Variants in CSMD3 observed in about 807,000 individuals in gnomAD.
CSMD3 encodes CUB and Sushi multiple domains 3, also known as CUB and sushi domain-containing protein 3.
In CSMD3, 177 loss-of-function variants were observed where a neutral mutation model predicts 435.2. That is an observed-to-expected ratio of 0.41 (90% CI 0.36 to 0.46). The LOEUF (loss-of-function observed/expected upper bound fraction) is 0.46. CSMD3 is among the 20% of genes least tolerant of loss of function. The probability of loss-of-function intolerance (pLI) is 0.34; values close to 1 mark genes in which losing one functional copy is unlikely to be tolerated. For synonymous variants in CSMD3, 1,656 were observed against 1,520.5 expected (o/e 1.09, Z -2.07); for missense variants, 4,265 against 4,504.6 (o/e 0.95, Z 1.52).
rs201662832 is a variant in CSMD3, at chr8:112,636,785, A to G, written c.3715+32T>C. The G allele has an allele frequency of 2.7e-5, 43 of 1,581,760 alleles. No homozygotes were observed. In the African/African-American group the frequency reaches 3.5e-4, roughly 13 times the overall value. ...GCAACTCCATGGACAGTGACTACACATACAAGCAAATGAAAGCAGCTGACC... is the reference window on the plus strand; with the variant it reads ...GCAACTCCATGGACAGTGACTACACGTACAAGCAAATGAAAGCAGCTGACC... On this transcript the variant is annotated intron_variant, in intron 22 of 70. Coordinates refer to ENST00000297405, the MANE Select transcript of CSMD3 (RefSeq NM_198123.2).
intron 24 of CSMD3, among the ~76,000 whole-genome samples, chr8:112,559,470 T>C (rs1405592435): frequency 1.3e-5 from 2 of 151,804 alleles, no homozygotes; most frequent in East Asian, 1.9e-4. Context: ...GCCACTTCTG[T>C]AGAAGATTTT....
At chr8:113,237,522 G>A (rs2093163493) in intron 3 of CSMD3, among the ~76,000 whole-genome samples, 1 of 152,142 alleles carries the variant, frequency 6.6e-6, no homozygotes, top group Non-Finnish European at 1.5e-5. Flanking sequence ...TTTTATAATG[G>A]CGGATGTATT....
chr8:112,342,023 G>A (rs916145170), intron 41 of CSMD3, among the ~76,000 whole-genome samples: 5 of 152,040 alleles, frequency 3.3e-5, no homozygotes, highest in African/African-American at 4.8e-5. Context: ...TAGAGGAAAA[G>A]GCCGCTTTTG....
intron 3 of CSMD3, among the ~76,000 whole-genome samples, chr8:113,223,812 G>T (rs1355263391): frequency 6.8e-6 from 1 of 147,788 alleles, no homozygotes; most frequent in African/African-American, 2.5e-5. Flanking sequence ...TCTGTGTGTT[G>T]TATATAAGGA....
Position 112,492,604 on chromosome 8 carries a change from T to C in CSMD3, c.5163A>G (p.Ser1721=). 4 of 1,613,148 alleles carry C rather than the reference T, an allele frequency of 2.5e-6. No homozygotes were observed. The highest frequency in any genetic ancestry group is 1.7e-4 in the Middle Eastern group (1 of 6,060). ...CAGCATCACAGTAATAGGTGACTGT[T>C]GACCCTAATTTATAATCCATTCCAA... is the stretch of plus-strand genomic sequence containing the variant. The part of the protein sequence containing the change: ...TRLGMDYKLG[S]TVTYYCDAGY... The change falls in exon 31 of 71, where the codon TCA becomes TCG. Residue 1721 remains serine (S), a synonymous_variant. Transcript: ENST00000297405.
At chr8:112,590,494 T>G (rs1831091518) in intron 22 of CSMD3, among the ~76,000 whole-genome samples, 1 of 152,034 alleles carries the variant, frequency 6.6e-6, no homozygotes, top group African/African-American at 2.4e-5. Flanking sequence ...CTGAAAGACC[T>G]GATATGAAAA....
At position 112,930,265 on chromosome 8, in the gene CSMD3, A is replaced by G. The variant is rs960410305; in HGVS notation, c.1509-8514T>C. Among the ~76,000 whole-genome samples the G allele has an allele frequency of 2.0e-5, 3 of 152,112 alleles. No individual in the cohort carries two copies. The East Asian group carries it at 5.8e-4, about 29-fold the overall frequency. On this transcript the variant is annotated intron_variant, in intron 9 of 70. Transcript: ENST00000297405. ...TATCACTCCCTGTGTTCTCATCCCTATACTACTATCAGACAGCAATAAACT... is the reference window on the plus strand; with the variant it reads ...TATCACTCCCTGTGTTCTCATCCCTGTACTACTATCAGACAGCAATAAACT...
At chr8:112,562,820 C>T (rs1375674520) in intron 24 of CSMD3, among the ~76,000 whole-genome samples, 1 of 151,546 alleles carries the variant, frequency 6.6e-6, no homozygotes, top group Non-Finnish European at 1.5e-5. Context: ...TTTATATCAA[C>T]TTTTATATCA....
intron 17 of CSMD3, among the ~76,000 whole-genome samples, chr8:112,663,766 T>C (rs2075448280): frequency 6.6e-6 from 1 of 152,100 alleles, no homozygotes. Flanking sequence ...TGACTCTGGA[T>C]TGTGCAATAA....
intron 10 of CSMD3, among the ~76,000 whole-genome samples, chr8:112,869,146 A>G (rs1310654346): frequency 6.6e-6 from 1 of 152,248 alleles, no homozygotes; most frequent in East Asian, 1.9e-4. Flanking sequence ...GGAAAATGAC[A>G]GAGCAGTGAC....
chr8:112,519,001 A>T (rs1453093), intron 27 of CSMD3, among the ~76,000 whole-genome samples: 42,258 of 151,828 alleles, frequency 0.28, 6,217 homozygotes, highest in African/African-American at 0.37. Flanking sequence ...AGAGCAAGGG[A>T]GAAGTCCGCT....
intron 1 of CSMD3, among the ~76,000 whole-genome samples, chr8:113,364,773 T>C (rs1034608674): frequency 6.6e-6 from 1 of 152,086 alleles, no homozygotes; most frequent in African/African-American, 2.4e-5. Flanking sequence ...ACTCATTCTG[T>C]GCTAAAACTA....
chr8:112,712,802 A>T (rs572455214), intron 13 of CSMD3, among the ~76,000 whole-genome samples: 19 of 152,140 alleles, frequency 1.2e-4, no homozygotes, highest in Non-Finnish European at 2.4e-4. Context: ...AAATAAAAAA[A>T]AAAAAAAAGA....
intron 32 of CSMD3, among the ~76,000 whole-genome samples, chr8:112,458,231 A>AC (rs1311849366): frequency 2.0e-5 from 3 of 151,904 alleles, no homozygotes; most frequent in Non-Finnish European, 4.4e-5. Context: ...ACACACAGAG[A>AC]AACAGAGATA....
At chr8:112,636,571 T>A (rs1170091670) in intron 22 of CSMD3, among the ~76,000 whole-genome samples, 2 of 93,126 alleles carry the variant, frequency 2.1e-5, no homozygotes, top group African/African-American at 9.1e-5. Flanking sequence ...TATCTATCTA[T>A]CTATCTATCT....
At chr8:113,353,315 T>A (rs75767095) in intron 1 of CSMD3, among the ~76,000 whole-genome samples, 215 of 152,166 alleles carry the variant, frequency 1.4e-3, no homozygotes, top group Non-Finnish European at 2.3e-3. Flanking sequence ...CATATTTTTT[T>A]AAAAAATTTT....
intron 13 of CSMD3, among the ~76,000 whole-genome samples, chr8:112,750,772 A>T (rs747251186): frequency 4.6e-5 from 7 of 152,104 alleles, no homozygotes; most frequent in Non-Finnish European, 1.0e-4. Flanking sequence ...TTACAAATAC[A>T]AGTTTATTAA....
chr8:112,798,907 G>C (rs1563971646), intron 13 of CSMD3, among the ~76,000 whole-genome samples: 1 of 151,790 alleles, frequency 6.6e-6, no homozygotes, highest in Non-Finnish European at 1.5e-5. Flanking sequence ...CAAGAAGTAT[G>C]ACGAGGTGAG....
chr8:112,943,102 G>A lies in CSMD3; in HGVS notation c.1508+4688C>T, dbSNP rs558801456. ...ATATGATAATGAGCTTTATTTATAT[G>A]TCTATTTGCTGTCTCATATATCTTC... On this transcript the variant is annotated intron_variant, in intron 9 of 70. Coordinates refer to ENST00000297405, the MANE Select transcript of CSMD3 (RefSeq NM_198123.2). Among the ~76,000 whole-genome samples, 14 of 151,582 alleles carry A rather than the reference G, an allele frequency of 9.2e-5. No homozygotes were observed. The East Asian group carries it at 2.7e-3, about 29-fold the overall frequency.
Sources: gnomAD v4.1 joint callset for allele counts (sites outside exome capture counted in the v4.1 genomes callset) on GRCh38, gnomAD v4.1.1 for gene constraint, MANE v1.5 for transcripts, NCBI Gene and HGNC (gene_info 2026-07-23, HGNC 2026-07-21) for gene names.